Variants in PTPRT observed in about 807,000 individuals in gnomAD.
The protein encoded by PTPRT is receptor-type tyrosine-protein phosphatase T.
A neutral mutation model predicts 176.8 loss-of-function variants in PTPRT; 56 were observed. That is an observed-to-expected ratio of 0.32 (90% CI 0.26 to 0.40). The LOEUF is 0.40. Among genes scored for constraint, PTPRT ranks in the 10% least tolerant of loss-of-function variants. The probability of loss-of-function intolerance (pLI) is 1.00; values close to 1 mark genes in which losing one functional copy is unlikely to be tolerated. For synonymous variants in PTPRT, 783 were observed against 739.0 expected (o/e 1.06, Z -0.96); for missense variants, 1,540 against 1,908.2 (o/e 0.81, Z 3.60).
rs370180190 is a variant in PTPRT, at chr20:42,619,942, G to A, written c.1153+57924C>T. Reference sequence around the variant, plus strand: ...ATCTGAAGCCTTCTTCTCTCAGCTCGTCAAAGTCATTCTGCATCCAGCTTT... The same window carrying A: ...ATCTGAAGCCTTCTTCTCTCAGCTCATCAAAGTCATTCTGCATCCAGCTTT... On this transcript the variant is annotated intron_variant, in intron 7 of 30. Transcript: ENST00000373187. 1.4e-3 allele frequency among the ~76,000 whole-genome samples: 213 copies of A among 147,204 alleles called. 10 individuals carry two copies. The East Asian group carries it at 0.032, about 22-fold the overall frequency.
chr20:42,047,773 C>T, the PTPRT span, among the ~76,000 whole-genome samples: 1 of 152,060 alleles, frequency 6.6e-6, no homozygotes, highest in Non-Finnish European at 1.5e-5. Flanking sequence ...GACACTGGGC[C>T]CTTGTGACCC....
intron 7 of PTPRT, among the ~76,000 whole-genome samples, chr20:42,574,458 C>A (rs2073220900): frequency 6.6e-6 from 1 of 152,154 alleles, no homozygotes; most frequent in South Asian, 2.1e-4. Flanking sequence ...TTTACACACC[C>A]ACCAAAGGTG....
intron 7 of PTPRT, among the ~76,000 whole-genome samples, chr20:42,561,621 T>G (rs1480319971): frequency 6.6e-6 from 1 of 152,140 alleles, no homozygotes; most frequent in Non-Finnish European, 1.5e-5. Context: ...CAGGTCTGGT[T>G]TTTCATGGAG....
chr20:42,756,702 A>G (rs2076838477), intron 5 of PTPRT, 66 bp from the exon 6 acceptor site: 8 of 1,357,412 alleles, frequency 5.9e-6, no homozygotes, highest in South Asian at 1.5e-5. Flanking sequence ...GTGACTCCCA[A>G]CACGGATATC....
At chr20:42,659,158 T>C (rs931241877) in intron 7 of PTPRT, among the ~76,000 whole-genome samples, 2 of 152,174 alleles carry the variant, frequency 1.3e-5, no homozygotes, top group Non-Finnish European at 2.9e-5. Flanking sequence ...TTCCACTATA[T>C]ACAGCAGAAG....
intron 15 of PTPRT, among the ~76,000 whole-genome samples, chr20:42,207,981 C>G (rs1209145263): frequency 1.5e-5 from 1 of 68,948 alleles, no homozygotes; most frequent in Non-Finnish European, 2.9e-5. Context: ...GAGTGGGGGC[C>G]AATATTCAAC....
At chr20:42,669,469 A>G (rs772973700) in intron 7 of PTPRT, among the ~76,000 whole-genome samples, 82 of 152,196 alleles carry the variant, frequency 5.4e-4, no homozygotes, top group African/African-American at 2.0e-3. Context: ...TCATCTCACC[A>G]GAATTACAGT....
chr20:42,592,624 C>T (rs555999615), intron 7 of PTPRT, among the ~76,000 whole-genome samples: 23 of 152,274 alleles, frequency 1.5e-4, no homozygotes, highest in African/African-American at 5.1e-4. Flanking sequence ...GAAAAAAAGA[C>T]GTGGAGGTAT....
chr20:42,108,059 T>G (rs2146275248), intron 23 of PTPRT, among the ~76,000 whole-genome samples: 1 of 152,292 alleles, frequency 6.6e-6, no homozygotes, highest in African/African-American at 2.4e-5. Context: ...TCACTCGTGT[T>G]TTTTTCTTCA....
intron 1 of PTPRT, among the ~76,000 whole-genome samples, chr20:43,059,611 T>C (rs1266985274): frequency 6.6e-6 from 1 of 152,186 alleles, no homozygotes; most frequent in South Asian, 2.1e-4. Flanking sequence ...ATTACTTAGG[T>C]ATTCTCTCAG....
At position 42,248,778 on chromosome 20, in the gene PTPRT, C is replaced by A. The variant is rs2056500141; in HGVS notation, c.2221G>T (p.Val741Leu). Residue 741 changes from valine (V) to leucine (L), a missense_variant, in exon 14 of 31, where the codon GTG becomes TTG. Physicochemically the swap from Val to Leu is conservative, Grantham distance 32. Coordinates refer to ENST00000373187, the MANE Select transcript of PTPRT (RefSeq NM_007050.6). ...NSNTVEPEKQ[V>L]DNTVKMAGVI... ...CCAGCCATCTTCACGGTGTTGTCCA[C>A]CTGCTTCTCTGGCTCCACAGTGTTA... 1 of 1,614,066 alleles carries A rather than the reference C, an allele frequency of 6.2e-7. No homozygotes were observed. Among genetic ancestry groups the A allele is most frequent in the East Asian group, 2.2e-5 (1 of 44,882 alleles).
intron 6 of PTPRT, among the ~76,000 whole-genome samples, chr20:42,715,262 T>G (rs1407335092): frequency 6.6e-6 from 1 of 152,184 alleles, no homozygotes; most frequent in African/African-American, 2.4e-5. Flanking sequence ...TCTACCATTC[T>G]TAGGTAACAA....
At chr20:42,099,561 TGGG>T (rs752853675) in intron 26 of PTPRT, among the ~76,000 whole-genome samples, 1 of 17,532 alleles carries the variant, frequency 5.7e-5, no homozygotes, top group African/African-American at 2.4e-4. Flanking sequence ...GGGGGGGGGG[TGGG>T]GTGGTCTGGC....
chr20:42,714,800 T>C (rs2146210115), intron 6 of PTPRT, among the ~76,000 whole-genome samples: 1 of 152,326 alleles, frequency 6.6e-6, no homozygotes, highest in Non-Finnish European at 1.5e-5. Context: ...ATTAGAGTTC[T>C]GGGCTGCTGA....
At chr20:42,149,883 G>T (rs4383399) in intron 17 of PTPRT, among the ~76,000 whole-genome samples, 1 of 152,082 alleles carries the variant, frequency 6.6e-6, no homozygotes, top group South Asian at 2.1e-4. Context: ...CTCTCCCTGC[G>T]AGTGCAACCC....
chr20:43,143,970 G>C (rs1465901597), intron 1 of PTPRT, among the ~76,000 whole-genome samples: 3 of 152,182 alleles, frequency 2.0e-5, no homozygotes, highest in Non-Finnish European at 4.4e-5. Context: ...GGAACCCATT[G>C]CCAAGTGAGC....
chr20:42,596,685 TA>T (rs1404788560), intron 7 of PTPRT, among the ~76,000 whole-genome samples: 6 of 152,230 alleles, frequency 3.9e-5, no homozygotes, highest in African/African-American at 1.4e-4. Flanking sequence ...AGGCCATGAT[TA>T]AGCAAATACC....
rs183833620 is a variant in PTPRT, at chr20:42,600,952, T to C, written c.1153+76914A>G. Among the ~76,000 whole-genome samples, 4 of 152,294 alleles carry C rather than the reference T, an allele frequency of 2.6e-5. No individual in the cohort carries two copies. The East Asian group carries it at 7.7e-4, about 29-fold the overall frequency. ...CTCCTGGCAATCTTCAACCCCTTTCTAACAGGGTGGGTTTGGATCCCTCTG... is the reference window on the plus strand; with the variant it reads ...CTCCTGGCAATCTTCAACCCCTTTCCAACAGGGTGGGTTTGGATCCCTCTG... On this transcript the variant is annotated intron_variant, in intron 7 of 30. Coordinates refer to ENST00000373187, the MANE Select transcript of PTPRT (RefSeq NM_007050.6).
intron 7 of PTPRT, among the ~76,000 whole-genome samples, chr20:42,559,638 T>C (rs2145644239): frequency 6.6e-6 from 1 of 152,304 alleles, no homozygotes; most frequent in South Asian, 2.1e-4. Context: ...CCATTGATGC[T>C]CTTTGACCCC....
Sources: gnomAD v4.1 joint callset for allele counts (sites outside exome capture counted in the v4.1 genomes callset) on GRCh38, gnomAD v4.1.1 for gene constraint, MANE v1.5 for transcripts, NCBI Gene and HGNC (gene_info 2026-07-23, HGNC 2026-07-21) for gene names.